SND1: variants seen among roughly 807,000 people sequenced by gnomAD.
The protein encoded by SND1 is staphylococcal nuclease domain-containing protein 1.
SND1 carries 38 observed loss-of-function variants against 121.7 expected under a neutral mutation model. That is an observed-to-expected ratio of 0.31 (90% CI 0.24 to 0.41). SND1 has a LOEUF of 0.41. Among genes scored for constraint, SND1 ranks in the 10% least tolerant of loss-of-function variants. The pLI is 1.00. For missense variants in SND1, 868 were observed against 1,184.6 expected (o/e 0.73, Z 3.92); for synonymous variants, 401 against 447.4 (o/e 0.90, Z 1.31).
At chr7:127,800,271 T>C (rs1019792851) in intron 10 of SND1, among the ~76,000 whole-genome samples, 3 of 152,264 alleles carry the variant, frequency 2.0e-5, no homozygotes, top group East Asian at 1.9e-4. Flanking sequence ...GTAGTTCTTA[T>C]TGTAATTCAA....
At chr7:127,994,012 C>G (rs1413639573) in intron 16 of SND1, among the ~76,000 whole-genome samples, 1 of 152,216 alleles carries the variant, frequency 6.6e-6, no homozygotes, top group Non-Finnish European at 1.5e-5. Flanking sequence ...GTGTCTGGCA[C>G]TGGTAAAATG....
At chr7:127,688,921 A>G (rs1027103031) in intron 2 of SND1, among the ~76,000 whole-genome samples, 1 of 152,222 alleles carries the variant, frequency 6.6e-6, no homozygotes, top group Non-Finnish European at 1.5e-5. Context: ...TAAAATTATA[A>G]TAAAGGACAT....
At chr7:128,011,042 T>C (rs1008016389) in intron 16 of SND1, among the ~76,000 whole-genome samples, 6 of 152,028 alleles carry the variant, frequency 3.9e-5, no homozygotes, top group Admixed American at 3.3e-4. Context: ...TAAGTAAAAT[T>C]GAAGACTGTG....
In SND1 at chr7:128,070,418, G is replaced by A. The variant is rs535413530; in HGVS notation, c.1780-4084G>A. On this transcript the variant is annotated intron_variant, in intron 16 of 23. Coordinates refer to ENST00000354725, the MANE Select transcript of SND1 (RefSeq NM_014390.4). ...CAGTGCATGCTCTCATACGAAGCCT[G>A]CTCCCAGCCTTCTAGCAGCCTGTGG... 7.2e-5 allele frequency among the ~76,000 whole-genome samples: 11 copies of A among 152,330 alleles called. 1 individual carries two copies. The East Asian group carries it at 1.9e-3, about 27-fold the overall frequency.
At chr7:127,786,644 T>A (rs1264324231) in intron 10 of SND1, among the ~76,000 whole-genome samples, 1 of 152,128 alleles carries the variant, frequency 6.6e-6, no homozygotes, top group East Asian at 1.9e-4. Context: ...TGTTTGTTTG[T>A]TTGTTTGTTT....
rs376482109 is a variant in SND1 at position 128,085,509 on chromosome 7, G to T, written c.2235-202G>T. On this transcript the variant is annotated intron_variant, in intron 19 of 23. Coordinates refer to ENST00000354725, the MANE Select transcript of SND1 (RefSeq NM_014390.4). This position sits in a 1 kb window ranked among gnomAD's most constrained non-coding sequence, Gnocchi z 4.4. The stretch of plus-strand genomic sequence containing the variant: ...CCACATGCTCCTTTCTCCCTCTTCT[G>T]CTCCCAGCTATGCTCTGATTCCATT... Among the ~76,000 whole-genome samples, 25 of 152,266 alleles carry T rather than the reference G, an allele frequency of 1.6e-4. No individual in the cohort carries two copies. The East Asian group carries it at 4.1e-3, about 25-fold the overall frequency.
chr7:127,655,871 A>G (rs1795201535), intron 1 of SND1, among the ~76,000 whole-genome samples: 1 of 152,158 alleles, frequency 6.6e-6, no homozygotes, highest in African/African-American at 2.4e-5. Context: ...CATTCGCAAC[A>G]GCAGAATGAA....
At chr7:127,888,918 G>T (rs1799958921) in intron 13 of SND1, among the ~76,000 whole-genome samples, 1 of 152,006 alleles carries the variant, frequency 6.6e-6, no homozygotes, top group South Asian at 2.1e-4. Context: ...TCTAATCTCG[G>T]CTTCAGATTT....
chr7:128,023,756 T>C (rs924140396), intron 16 of SND1, among the ~76,000 whole-genome samples: 1 of 152,156 alleles, frequency 6.6e-6, no homozygotes, highest in African/African-American at 2.4e-5. Context: ...GGGGTGGTGA[T>C]GGGGGCTTCT....
intron 11 of SND1, among the ~76,000 whole-genome samples, chr7:127,829,392 T>G (rs934407806): frequency 6.6e-6 from 1 of 152,200 alleles, no homozygotes; most frequent in African/African-American, 2.4e-5. Flanking sequence ...TTCCTCATTA[T>G]GAGAGACTTT....
At chr7:127,770,843 C>T (rs907572576) in intron 10 of SND1, among the ~76,000 whole-genome samples, 8 of 152,294 alleles carry the variant, frequency 5.3e-5, no homozygotes, top group South Asian at 2.1e-4. Context: ...ACATAAAATG[C>T]GGTAGTCCCT....
At chr7:127,867,911 A>C (rs549550560) in intron 12 of SND1, among the ~76,000 whole-genome samples, 1 of 151,436 alleles carries the variant, frequency 6.6e-6, no homozygotes, top group South Asian at 2.1e-4. Context: ...AAAAAAAAAA[A>C]AATTAAATGC....
intron 2 of SND1, among the ~76,000 whole-genome samples, chr7:127,687,320 T>A (rs1795830340): frequency 6.6e-6 from 1 of 152,206 alleles, no homozygotes; most frequent in Admixed American, 6.5e-5. Context: ...TATTAAAGAT[T>A]GTTTTTCTTT....
chr7:127,707,673 T>C (rs1318249487), intron 9 of SND1, 26 bp downstream of exon 9: 1 of 1,564,890 alleles, frequency 6.4e-7, no homozygotes, highest in Admixed American at 1.7e-5. Context: ...CATCTTGATA[T>C]GCATAGTGGA....
At chr7:128,014,828 G>C (rs1803193121) in intron 16 of SND1, among the ~76,000 whole-genome samples, 1 of 152,138 alleles carries the variant, frequency 6.6e-6, no homozygotes, top group Non-Finnish European at 1.5e-5. Flanking sequence ...CTAGCTCAAA[G>C]AATGCTTCCC....
intron 10 of SND1, among the ~76,000 whole-genome samples, chr7:127,804,464 T>C (rs1039261917): frequency 6.6e-6 from 1 of 152,216 alleles, no homozygotes; most frequent in African/African-American, 2.4e-5. Flanking sequence ...AGCAAGATTC[T>C]TATTTAGACA....
intron 4 of SND1, 144 bp from the exon 5 acceptor site, chr7:127,701,019 T>C: frequency 7.4e-6 from 6 of 812,470 alleles, no homozygotes; most frequent in South Asian, 2.0e-5. Context: ...TTTCTGGTTA[T>C]AGGCTTGGGT....
chr7:127,683,030 C>G (rs1795754084), intron 1 of SND1, among the ~76,000 whole-genome samples: 1 of 152,052 alleles, frequency 6.6e-6, no homozygotes, highest in African/African-American at 2.4e-5. Context: ...AAGTATTTTT[C>G]CCCCAGAAGG....
chr7:127,726,088 C>T (rs149606646), intron 10 of SND1, among the ~76,000 whole-genome samples: 15 of 152,322 alleles, frequency 9.8e-5, no homozygotes, highest in African/African-American at 3.6e-4. Flanking sequence ...CATATTTCTG[C>T]TCCCTTAATT....
Sources: allele counts gnomAD v4.1 joint callset (sites outside exome capture counted in the v4.1 genomes callset), GRCh38; gene constraint gnomAD v4.1.1; non-coding constraint Gnocchi (gnomAD v3.1); transcripts MANE v1.5; gene names NCBI Gene and HGNC (gene_info 2026-07-23, HGNC 2026-07-21).